Variants in NHSL1 observed in about 807,000 individuals in gnomAD.
NHSL1 encodes NHS like 1.
NHSL1 carries 48 observed loss-of-function variants against 95.0 expected under a neutral mutation model. The observed-to-expected ratio is 0.51, with a 90% CI of 0.40 to 0.64. The LOEUF (loss-of-function observed/expected upper bound fraction) is 0.64. NHSL1 is among the 30% of genes least tolerant of loss of function. The probability of loss-of-function intolerance (pLI) is 0.00; values close to 1 mark genes in which losing one functional copy is unlikely to be tolerated. For missense variants in NHSL1, 1,971 were observed against 2,077.7 expected, an observed-to-expected ratio of 0.95 and a Z score of 1.00; for synonymous variants, 783 against 833.9, an observed-to-expected ratio of 0.94 and a Z score of 1.05.
rs567896508 is a variant in NHSL1 at position 138,657,794 on chromosome 6, G to A, written c.96+34682C>T. Among the ~76,000 whole-genome samples the A allele has an allele frequency of 6.2e-3, 705 of 113,936 alleles. 5 individuals carry two copies. The highest frequency in any genetic ancestry group is 7.8e-3 in the Non-Finnish European group (480 of 61,442). 74.7% of individuals were successfully genotyped at this position (113,936 alleles called of 152,430 possible). On this transcript the variant is annotated intron_variant, in intron 1 of 3. Coordinates refer to the NHSL1 transcript ENST00000491526. Reference sequence around the variant, plus strand: ...CGCGCCACTGCACTCCAGCCTGGGCGACAGAGCGAGACTCCATCTCAAAAA... The same window carrying A: ...CGCGCCACTGCACTCCAGCCTGGGCAACAGAGCGAGACTCCATCTCAAAAA...
chr6:138,685,962 T>C (rs1161989075), intron 1 of NHSL1, among the ~76,000 whole-genome samples: 2 of 152,142 alleles, frequency 1.3e-5, no homozygotes, highest in Non-Finnish European at 2.9e-5. Context: ...CATATAGTAT[T>C]ATCAAATAGT....
chr6:138,668,272 C>G (rs933528777), intron 1 of NHSL1, among the ~76,000 whole-genome samples: 1 of 152,068 alleles, frequency 6.6e-6, no homozygotes, highest in Non-Finnish European at 1.5e-5. Context: ...CAAAATACCC[C>G]GTCTCTACTA....
chr6:138,513,765 G>T (rs1781336946), intron 1 of NHSL1, among the ~76,000 whole-genome samples: 1 of 152,036 alleles, frequency 6.6e-6, no homozygotes, highest in Admixed American at 6.6e-5. Context: ...ACCTCCCATT[G>T]TTCACTTTCA....
At chr6:138,497,650 C>T (rs1282016190) in intron 1 of NHSL1, among the ~76,000 whole-genome samples, 1 of 152,168 alleles carries the variant, frequency 6.6e-6, no homozygotes, top group Non-Finnish European at 1.5e-5. Context: ...ACATAAAGTA[C>T]TTAGCTCAAG....
At chr6:138,463,368 C>T (rs1413276086) in intron 3 of NHSL1, among the ~76,000 whole-genome samples, 7 of 152,084 alleles carry the variant, frequency 4.6e-5, no homozygotes, top group Admixed American at 4.6e-4. Context: ...CCTATGTGAT[C>T]TGGTCCTTGG....
intron 1 of NHSL1, among the ~76,000 whole-genome samples, chr6:138,633,145 AT>A (rs1307879397): frequency 6.6e-6 from 1 of 152,172 alleles, no homozygotes; most frequent in Non-Finnish European, 1.5e-5. Context: ...CTATTTGAAA[AT>A]ACACAGAGGA....
chr6:138,590,969 G>C (rs569030844), intron 1 of NHSL1, among the ~76,000 whole-genome samples: 8 of 152,296 alleles, frequency 5.3e-5, no homozygotes, highest in African/African-American at 1.9e-4. Context: ...ATCAGGCAGG[G>C]CTGGGTTCTA....
chr6:138,612,011 G>A (rs535208221), intron 1 of NHSL1, among the ~76,000 whole-genome samples: 89 of 149,502 alleles, frequency 6.0e-4, no homozygotes, highest in Non-Finnish European at 9.3e-4. Flanking sequence ...TCAGGAGGCT[G>A]AGGGAGGAAA....
At chr6:138,648,451 T>C (rs1019680793) in intron 1 of NHSL1, among the ~76,000 whole-genome samples, 2 of 151,964 alleles carry the variant, frequency 1.3e-5, no homozygotes, top group Non-Finnish European at 2.9e-5. Context: ...AGCCATCATA[T>C]AAGGCTGCAT....
chr6:138,532,838 A>C (rs1366319361), intron 1 of NHSL1, among the ~76,000 whole-genome samples: 1 of 152,142 alleles, frequency 6.6e-6, no homozygotes, highest in Non-Finnish European at 1.5e-5. Flanking sequence ...CGAATGTGTA[A>C]TCTAATAAGA....
At chr6:138,622,160 A>T (rs1377931040) in intron 1 of NHSL1, among the ~76,000 whole-genome samples, 1 of 152,194 alleles carries the variant, frequency 6.6e-6, no homozygotes, top group Non-Finnish European at 1.5e-5. Context: ...GGGAAAGAAG[A>T]AGGTGAGGAG....
At chr6:138,441,880 G>A (rs1033413027) in intron 5 of NHSL1, 103 bp downstream of exon 5, 8 of 1,127,676 alleles carry the variant, frequency 7.1e-6, no homozygotes, top group Admixed American at 3.7e-5. Context: ...GGCACCAAAC[G>A]GCTATCAGAA....
chr6:138,644,165 A>C (rs1784989395), intron 1 of NHSL1, among the ~76,000 whole-genome samples: 1 of 152,158 alleles, frequency 6.6e-6, no homozygotes, highest in Admixed American at 6.5e-5. Context: ...AGACTGCAAA[A>C]CAATTCTCAA....
At chr6:138,578,831 A>C (rs1223708620) in intron 1 of NHSL1, among the ~76,000 whole-genome samples, 1 of 152,140 alleles carries the variant, frequency 6.6e-6, no homozygotes, top group Non-Finnish European at 1.5e-5. Flanking sequence ...TAGTGCACAG[A>C]CTGTATTTAA....
At chr6:138,489,851 A>AGG (rs1246737737) in intron 2 of NHSL1, among the ~76,000 whole-genome samples, 16 of 70,146 alleles carry the variant, frequency 2.3e-4, no homozygotes, top group African/African-American at 1.2e-3. Flanking sequence ...AGAGGGAGAG[A>AGG]GGGAGAGAGA....
intron 1 of NHSL1, among the ~76,000 whole-genome samples, chr6:138,528,142 G>A (rs1781988965): frequency 6.6e-6 from 1 of 152,152 alleles, no homozygotes; most frequent in Non-Finnish European, 1.5e-5. Context: ...TTATAAAGCT[G>A]TATAAGTAAA....
chr6:138,598,459 G>GAAA (rs36008081), intron 1 of NHSL1, among the ~76,000 whole-genome samples: 2 of 142,236 alleles, frequency 1.4e-5, no homozygotes, highest in Non-Finnish European at 1.5e-5. Context: ...CTCCATCTTG[G>GAAA]AAAAAAAAAA....
At chr6:138,630,044 C>T (rs1784797361) in intron 1 of NHSL1, among the ~76,000 whole-genome samples, 1 of 152,144 alleles carries the variant, frequency 6.6e-6, no homozygotes, top group African/African-American at 2.4e-5. Context: ...GAGACCCTGT[C>T]TCTACAAAAA....
At chr6:138,521,901 C>T (rs1325074821) in intron 1 of NHSL1, among the ~76,000 whole-genome samples, 2 of 151,850 alleles carry the variant, frequency 1.3e-5, no homozygotes, top group African/African-American at 4.8e-5. Context: ...GGAAAGAGGG[C>T]AGGAAGAGAA....
Sources: allele counts gnomAD v4.1 joint callset (sites outside exome capture counted in the v4.1 genomes callset), GRCh38; gene constraint gnomAD v4.1.1; transcripts MANE v1.5; gene names NCBI Gene and HGNC (gene_info 2026-07-23, HGNC 2026-07-21).